The following SLURP1 variants were observed in gnomAD, a reference collection of about 807,000 sequenced individuals.
SLURP1 encodes the protein secreted LY6/PLAUR domain containing 1.
Under a neutral mutation model 7.9 loss-of-function variants are expected in SLURP1, and 2 were observed. That is an observed-to-expected ratio of 0.25 (90% confidence interval 0.10 to 0.79). SLURP1 has a LOEUF of 0.79. Among genes scored for constraint, SLURP1 ranks in the 30% least tolerant of loss-of-function variants. The probability of loss-of-function intolerance (pLI) is 0.69; values close to 1 mark genes in which losing one functional copy is unlikely to be tolerated. For synonymous variants in SLURP1, 59 were observed against 54.9 expected (o/e 1.07, Z -0.33); for missense variants, 111 against 139.8 (o/e 0.79, Z 1.04).
In SLURP1 at chr8:142,741,822, C is replaced by T. The variant is rs375034812; in HGVS notation, c.159G>A (p.Thr53=). Residue 53 remains threonine (T), a synonymous_variant, in exon 2 of 3, where the codon ACG becomes ACA. Coordinates refer to ENST00000246515, the MANE Select transcript of SLURP1 (RefSeq NM_020427.3). The surrounding 1 kb of genome is among the most constrained non-coding windows in gnomAD (Gnocchi z 4.3). ...CCTCACCTGCCTCCACCGTCACCAG[C>T]GTGGTCATGCAGGCTGTGTCCTCTG... The part of the protein sequence containing the change: ...CKPEDTACMT[T]LVTVEAEYPF... 2.8e-5 allele frequency: 45 copies of T among 1,612,596 alleles called. No individual in the cohort carries two copies. The highest frequency in any genetic ancestry group is 4.5e-5 in the East Asian group (2 of 44,882).
rs939022486 is a variant in SLURP1, at chr8:142,741,501, C to T, written c.179-225G>A. 9.2e-5 allele frequency among the ~76,000 whole-genome samples: 14 copies of T among 152,302 alleles called. No homozygotes were observed. Among genetic ancestry groups the T allele is most frequent in the East Asian group, 5.8e-4 (3 of 5,176 alleles). On this transcript the variant is annotated intron_variant, in intron 2 of 2. Transcript: ENST00000246515. This position sits in a 1 kb window ranked among gnomAD's most constrained non-coding sequence, Gnocchi z 4.3. ...AAGTGCCTGCGCTGAGATGGGAGCC[C>T]GAGCCCAGAGGCTGTGGCAACACCA...
chr8:142,742,042 A>G (rs757779451), intron 1 of SLURP1, 120 bp from the exon 2 acceptor site: 209 of 1,491,350 alleles, frequency 1.4e-4, no homozygotes, highest in Middle Eastern at 1.2e-3. Context: ...CAGCCCTTCA[A>G]GGGGCCTCTC....
Position 142,741,939 on chromosome 8 carries a change from G to T in SLURP1, c.59-17C>A, listed in dbSNP as rs1257660680. The T allele has an allele frequency of 1.2e-6, 2 of 1,610,586 alleles. No homozygotes were observed. Among genetic ancestry groups the T allele is most frequent in the South Asian group, 1.1e-5 (1 of 91,030 alleles). ...GGGCCTCACCTGGGTGAGGGATGGG[G>T]GCAGAACCTCATCACCTGACCTCGG... On this transcript the variant is annotated splice_polypyrimidine_tract_variant and intron_variant, in intron 1 of 2. Coordinates refer to ENST00000246515, the MANE Select transcript of SLURP1 (RefSeq NM_020427.3). The surrounding 1 kb of genome is among the most constrained non-coding windows in gnomAD (Gnocchi z 4.3).
chr8:142,742,274 A>T, intron 1 of SLURP1, 54 bp downstream of exon 1: 1 of 1,565,712 alleles, frequency 6.4e-7, no homozygotes, highest in Non-Finnish European at 8.8e-7. Context: ...TCCCCCTAGG[A>T]GGTGGGCAGA....
Position 142,742,352 on chromosome 8 carries a change from C to G in SLURP1, c.34G>C (p.Val12Leu), listed in dbSNP as rs147076743. 6 of 1,612,980 alleles carry G rather than the reference C, an allele frequency of 3.7e-6. No individual in the cohort carries two copies. The highest frequency in any genetic ancestry group is 5.1e-6 in the Non-Finnish European group (6 of 1,180,014). The change falls in exon 1 of 3, where the codon GTG (valine) becomes CTG (leucine). Residue 12 changes from valine to leucine, a missense_variant. By Grantham distance (32) the Val-to-Leu change is conservative (BLOSUM62 1). Coordinates refer to ENST00000246515, the MANE Select transcript of SLURP1 (RefSeq NM_020427.3). Reference sequence around the variant, plus strand: ...CCACAGCCCATGCTCCAGGCTGCCACGAGCAGCAGCTGCACAGCCCAGCGA... The same window carrying G: ...CCACAGCCCATGCTCCAGGCTGCCAGGAGCAGCAGCTGCACAGCCCAGCGA... ...ASRWAVQLLLVAAWSMGCGEA... is the reference protein window; with the variant it reads ...ASRWAVQLLLLAAWSMGCGEA...
chr8:142,741,553 G>A lies in SLURP1; in HGVS notation c.178+250C>T, dbSNP rs1815869307. On this transcript the variant is annotated intron_variant, in intron 2 of 2. Transcript: ENST00000246515. The surrounding 1 kb of genome is among the most constrained non-coding windows in gnomAD (Gnocchi z 4.3). ...CCAGTGGGTCTGTGTCAGAGCTGGG[G>A]TTTGAGCCCCCCAGGGTACCCCGGC... 1.3e-5 allele frequency among the ~76,000 whole-genome samples: 2 copies of A among 152,224 alleles called. No individual in the cohort carries two copies. The highest frequency in any genetic ancestry group is 2.9e-5 in the Non-Finnish European group (2 of 68,044).
rs201974695 is a variant in SLURP1 at position 142,741,133 on chromosome 8, C to T, written c.*10G>A. On this transcript the variant is annotated 3_prime_UTR_variant, in exon 3 of 3. Coordinates refer to ENST00000246515, the MANE Select transcript of SLURP1 (RefSeq NM_020427.3). This position sits in a 1 kb window ranked among gnomAD's most constrained non-coding sequence, Gnocchi z 4.3. The stretch of plus-strand genomic sequence containing the variant: ...GCCTGAGGAGCACCTTCCGCCCTGC[C>T]GCCCTGGGTTCAGAGTTCCGAGTTG... The T allele has an allele frequency of 6.7e-5, 108 of 1,602,824 alleles. No homozygotes were observed. In the East Asian group the frequency reaches 1.0e-3, roughly 16 times the overall value.
In SLURP1 at chr8:142,741,132, C is replaced by A. The variant is rs1466861728; in HGVS notation, c.*11G>T. The A allele has an allele frequency of 6.2e-7, 1 of 1,602,814 alleles. No individual in the cohort carries two copies. ...TGCCTGAGGAGCACCTTCCGCCCTGCCGCCCTGGGTTCAGAGTTCCGAGTT... is the reference window on the plus strand; with the variant it reads ...TGCCTGAGGAGCACCTTCCGCCCTGACGCCCTGGGTTCAGAGTTCCGAGTT... On this transcript the variant is annotated 3_prime_UTR_variant, in exon 3 of 3. Transcript: ENST00000246515. The surrounding 1 kb of genome is among the most constrained non-coding windows in gnomAD (Gnocchi z 4.3).
rs779329933 is a variant in SLURP1 at position 142,741,931 on chromosome 8, G to T, written c.59-9C>A. 8 of 1,611,322 alleles carry T rather than the reference G, an allele frequency of 5.0e-6. No homozygotes were observed. The highest frequency in any genetic ancestry group is 5.9e-6 in the Non-Finnish European group (7 of 1,179,942). Reference sequence around the variant, plus strand: ...GCACTTGAGGGCCTCACCTGGGTGAGGGATGGGGGCAGAACCTCATCACCT... The same window carrying T: ...GCACTTGAGGGCCTCACCTGGGTGATGGATGGGGGCAGAACCTCATCACCT... On this transcript the variant is annotated splice_polypyrimidine_tract_variant and intron_variant, in intron 1 of 2. Transcript: ENST00000246515. This position sits in a 1 kb window ranked among gnomAD's most constrained non-coding sequence, Gnocchi z 4.3.
chr8:142,742,021 A>C (rs1815879802), intron 1 of SLURP1, 99 bp from the exon 2 acceptor site: 1 of 1,563,946 alleles, frequency 6.4e-7, no homozygotes, highest in South Asian at 1.1e-5. Flanking sequence ...GACATCTTTC[A>C]AGGCCCCGGG....
In SLURP1 at chr8:142,741,938, G is replaced by T; in HGVS notation, c.59-16C>A. 1 of 1,610,656 alleles carries T rather than the reference G, an allele frequency of 6.2e-7. No individual in the cohort carries two copies. Among genetic ancestry groups the T allele is most frequent in the South Asian group, 1.1e-5 (1 of 91,048 alleles). ...AGGGCCTCACCTGGGTGAGGGATGGGGGCAGAACCTCATCACCTGACCTCG... is the reference window on the plus strand; with the variant it reads ...AGGGCCTCACCTGGGTGAGGGATGGTGGCAGAACCTCATCACCTGACCTCG... On this transcript the variant is annotated splice_polypyrimidine_tract_variant and intron_variant, in intron 1 of 2. Transcript: ENST00000246515. The surrounding 1 kb of genome is among the most constrained non-coding windows in gnomAD (Gnocchi z 4.3).
rs1392372591 is a variant in SLURP1 at position 142,741,973 on chromosome 8, T to A, written c.59-51A>T. The A allele has an allele frequency of 4.4e-6, 7 of 1,603,744 alleles. No individual in the cohort carries two copies. The highest frequency in any genetic ancestry group is 5.9e-6 in the Non-Finnish European group (7 of 1,179,478). On this transcript the variant is annotated intron_variant, in intron 1 of 2. Transcript: ENST00000246515. This position sits in a 1 kb window ranked among gnomAD's most constrained non-coding sequence, Gnocchi z 4.3. ...TCATCACCTGACCTCGGTGGCCTCA[T>A]CCTGGAACCAGGAGGCAGGGGCTGA...
At position 142,741,791 on chromosome 8, in the gene SLURP1, G is replaced by T. The variant is rs371658645; in HGVS notation, c.178+12C>A. On this transcript the variant is annotated intron_variant, in intron 2 of 2. Coordinates refer to ENST00000246515, the MANE Select transcript of SLURP1 (RefSeq NM_020427.3). The surrounding 1 kb of genome is among the most constrained non-coding windows in gnomAD (Gnocchi z 4.3). ...CCAGTGCACCCAGGGCTGCCGTGGG[G>T]CCTGGCCTCACCTGCCTCCACCGTC... is the stretch of plus-strand genomic sequence containing the variant. 249 of 1,609,970 alleles carry T rather than the reference G, an allele frequency of 1.5e-4. No homozygotes were observed. Among genetic ancestry groups the T allele is most frequent in the Non-Finnish European group, 2.0e-4 (235 of 1,179,950 alleles).
Position 142,741,000 on chromosome 8 carries a change from C to T in SLURP1, c.*143G>A, listed in dbSNP as rs182887603. Reference sequence around the variant, plus strand: ...GTGGGGTATGGAAGGCAGAGGGCGCCCCTGGTGTGCTTCTCTCCCCTCAGA... The same window carrying T: ...GTGGGGTATGGAAGGCAGAGGGCGCTCCTGGTGTGCTTCTCTCCCCTCAGA... On this transcript the variant is annotated 3_prime_UTR_variant, in exon 3 of 3. Transcript: ENST00000246515. 6,199 of 1,237,128 alleles carry T rather than the reference C, an allele frequency of 5.0e-3. 24 individuals are homozygous for T. The highest frequency in any genetic ancestry group is 7.8e-3 in the Middle Eastern group (33 of 4,250). The allele number at this position is 1,237,128 out of a possible 1,614,324, so 76.6% of individuals were successfully genotyped here.
In SLURP1 at chr8:142,741,997, G is replaced by GA; in HGVS notation, c.59-76dup. 1 of 1,594,496 alleles carries GA rather than the reference G, an allele frequency of 6.3e-7. No individual in the cohort carries two copies. The highest frequency in any genetic ancestry group is 2.2e-5 in the East Asian group (1 of 44,662). On this transcript the variant is annotated intron_variant, in intron 1 of 2. Transcript: ENST00000246515. This position sits in a 1 kb window ranked among gnomAD's most constrained non-coding sequence, Gnocchi z 4.3. Reference sequence around the variant, plus strand: ...ATCCTGGAACCAGGAGGCAGGGGCTGAAGGAGTCTCGCTGACATCTTTCAA... The same window carrying GA: ...ATCCTGGAACCAGGAGGCAGGGGCTGAAAGGAGTCTCGCTGACATCTTTCAA...
rs1815864418 is a variant in SLURP1, at chr8:142,741,313, T to G, written c.179-37A>C. 8 of 1,548,110 alleles carry G rather than the reference T, an allele frequency of 5.2e-6. No individual in the cohort carries two copies. The East Asian group carries it at 1.9e-4, about 37-fold the overall frequency. ...GCCAGTGTCAGAACCCTCACTCCCC[T>G]GCAGCGCCTGCCTGCTGCTGCACTG... On this transcript the variant is annotated intron_variant, in intron 2 of 2. Coordinates refer to ENST00000246515, the MANE Select transcript of SLURP1 (RefSeq NM_020427.3). This position sits in a 1 kb window ranked among gnomAD's most constrained non-coding sequence, Gnocchi z 4.3.
At chr8:142,742,246 G>A (rs1049679571) in intron 1 of SLURP1, 82 bp downstream of exon 1, 2 of 1,461,416 alleles carry the variant, frequency 1.4e-6, no homozygotes, top group African/African-American at 2.8e-5. Flanking sequence ...CAGCCACAAA[G>A]CACCCCCAAC....
rs375890302 is a variant in SLURP1 at position 142,741,134 on chromosome 8, G to A, written c.*9C>T. 34 of 1,603,180 alleles carry A rather than the reference G, an allele frequency of 2.1e-5. No homozygotes were observed. Among genetic ancestry groups the A allele is most frequent in the Middle Eastern group, 1.7e-4 (1 of 6,032 alleles). On this transcript the variant is annotated 3_prime_UTR_variant, in exon 3 of 3. Coordinates refer to ENST00000246515, the MANE Select transcript of SLURP1 (RefSeq NM_020427.3). This position sits in a 1 kb window ranked among gnomAD's most constrained non-coding sequence, Gnocchi z 4.3. ...CCTGAGGAGCACCTTCCGCCCTGCCGCCCTGGGTTCAGAGTTCCGAGTTGC... is the reference window on the plus strand; with the variant it reads ...CCTGAGGAGCACCTTCCGCCCTGCCACCCTGGGTTCAGAGTTCCGAGTTGC...
Position 142,741,595 on chromosome 8 carries a change from C to T in SLURP1, c.178+208G>A, listed in dbSNP as rs1275875831. On this transcript the variant is annotated intron_variant, in intron 2 of 2. Transcript: ENST00000246515. The surrounding 1 kb of genome is among the most constrained non-coding windows in gnomAD (Gnocchi z 4.3). ...TACCCCGGCCATTAAGCCCCACCCA[C>T]CTCCAGCGCCTGGTGCCCCAGGACT... Among the ~76,000 whole-genome samples the T allele has an allele frequency of 6.6e-6, 1 of 152,244 alleles. No individual in the cohort carries two copies. Among genetic ancestry groups the T allele is most frequent in the African/African-American group, 2.4e-5 (1 of 41,470 alleles).
Sources: allele counts gnomAD v4.1 joint callset (sites outside exome capture counted in the v4.1 genomes callset), GRCh38; gene constraint gnomAD v4.1.1; non-coding constraint Gnocchi (gnomAD v3.1); transcripts MANE v1.5; gene names NCBI Gene and HGNC (gene_info 2026-07-23, HGNC 2026-07-21).